The following ADARB2 variants were observed in gnomAD, a reference collection of about 807,000 sequenced individuals.
The protein encoded by ADARB2 is inactive double-stranded RNA-specific editase B2.
A neutral mutation model predicts 62.2 loss-of-function variants in ADARB2; 25 were observed. That is an observed-to-expected ratio of 0.40 (90% CI 0.29 to 0.56). The LOEUF is 0.56. ADARB2 is among the 20% of genes least tolerant of loss of function. ADARB2 has a pLI of 0.43. For missense variants in ADARB2, 1,071 were observed against 1,077.4 expected (o/e 0.99, Z 0.08); for synonymous variants, 572 against 500.8 (o/e 1.14, Z -1.90).
intron 1 of ADARB2, among the ~76,000 whole-genome samples, chr10:1,672,153 C>T (rs543458855): frequency 1.3e-5 from 2 of 151,866 alleles, no homozygotes; most frequent in African/African-American, 4.8e-5. Context: ...GTGTGGACAG[C>T]GGGTGTGGAC....
At chr10:1,725,973 C>T (rs1380745310) in intron 1 of ADARB2, among the ~76,000 whole-genome samples, 1 of 152,246 alleles carries the variant, frequency 6.6e-6, no homozygotes, top group African/African-American at 2.4e-5. Flanking sequence ...AGTGATTACG[C>T]ATAAATATGT....
chr10:1,480,657 CCCTGCA>C (rs972507836), intron 1 of ADARB2, among the ~76,000 whole-genome samples: 3 of 138,558 alleles, frequency 2.2e-5, no homozygotes, highest in African/African-American at 7.8e-5. Context: ...GAGATTGTGC[CCCTGCA>C]CTCCAACCTG....
Position 1,180,133 on chromosome 10 carries a change from G to C in ADARB2, c.*3060C>G, listed in dbSNP as rs7097304. ...GGGCGAAATCCTCAGGCTTCAACAC[G>C]AGCCCTTCCATCTCTGCAGAGGTGG... is the stretch of plus-strand genomic sequence containing the variant. On this transcript the variant is annotated 3_prime_UTR_variant, in exon 10 of 10. Transcript: ENST00000381312. The C allele has an allele frequency of 0.95, 145,476 of 152,338 alleles. 69,780 individuals carry two copies. Among genetic ancestry groups the C allele is most frequent in the Non-Finnish European group, 1 (68,049 of 68,108 alleles). The allele number at this position is 152,338 out of a possible 1,614,324, so 9.4% of individuals were successfully genotyped here. A position where few individuals can be genotyped will look rare whatever the true frequency, so the allele number is the denominator to read the frequency against.
chr10:1,424,393 C>T (rs1213696966), intron 1 of ADARB2, among the ~76,000 whole-genome samples: 1 of 152,140 alleles, frequency 6.6e-6, no homozygotes, highest in Non-Finnish European at 1.5e-5. Flanking sequence ...CATGTCAGAG[C>T]CGTGGCTCCA....
chr10:1,711,511 C>T (rs1383683595), intron 1 of ADARB2, among the ~76,000 whole-genome samples: 1 of 152,156 alleles, frequency 6.6e-6, no homozygotes, highest in African/African-American at 2.4e-5. Flanking sequence ...AGAACATAGT[C>T]TCATAGAGGA....
At chr10:1,576,147 TC>T (rs1208477082) in intron 1 of ADARB2, among the ~76,000 whole-genome samples, 12 of 41,200 alleles carry the variant, frequency 2.9e-4, no homozygotes, top group South Asian at 1.2e-3. Flanking sequence ...AAGAGGGGGG[TC>T]CACGGTCACA....
chr10:1,259,810 A>G (rs1831116583), intron 4 of ADARB2, among the ~76,000 whole-genome samples: 1 of 152,230 alleles, frequency 6.6e-6, no homozygotes, highest in African/African-American at 2.4e-5. Context: ...GGAGGCCAGC[A>G]TCATCCTGAT....
At position 1,615,955 on chromosome 10, in the gene ADARB2, G is replaced by A. The variant is rs372281442; in HGVS notation, c.100+121096C>T. Reference sequence around the variant, plus strand: ...ACCCCTAAATAAGGAGAAAGCCACTGAAAATTGGATTCTACTAGAAGGCAG... The same window carrying A: ...ACCCCTAAATAAGGAGAAAGCCACTAAAAATTGGATTCTACTAGAAGGCAG... On this transcript the variant is annotated intron_variant, in intron 1 of 9. Transcript: ENST00000381312. Among the ~76,000 whole-genome samples the A allele has an allele frequency of 2.0e-4, 31 of 152,354 alleles. No homozygotes were observed. The East Asian group carries it at 5.4e-3, about 27-fold the overall frequency.
chr10:1,233,966 C>CTTCT, intron 5 of ADARB2, 121 bp from the exon 6 acceptor site: 1 of 745,566 alleles, frequency 1.3e-6, no homozygotes, highest in East Asian at 4.1e-5. Context: ...TATATTTTTC[C>CTTCT]TTTTTTTTTT....
chr10:1,316,434 A>C (rs1831740475), intron 3 of ADARB2, among the ~76,000 whole-genome samples: 1 of 152,210 alleles, frequency 6.6e-6, no homozygotes, highest in Admixed American at 6.5e-5. Flanking sequence ...GGCAACGTGC[A>C]AGGTGCTGAT....
At chr10:1,300,342 G>A (rs1423578974) in intron 3 of ADARB2, among the ~76,000 whole-genome samples, 3 of 146,062 alleles carry the variant, frequency 2.1e-5, no homozygotes, top group Non-Finnish European at 4.5e-5. Flanking sequence ...TTCCTACAGT[G>A]ACGGCTGCTC....
At chr10:1,360,203 G>A (rs1387543401) in intron 3 of ADARB2, among the ~76,000 whole-genome samples, 1 of 152,236 alleles carries the variant, frequency 6.6e-6, no homozygotes, top group Non-Finnish European at 1.5e-5. Flanking sequence ...AGCAGGAGGC[G>A]CTGCTTCCAG....
chr10:1,218,110 G>A (rs774157584), intron 6 of ADARB2, among the ~76,000 whole-genome samples: 4 of 152,184 alleles, frequency 2.6e-5, no homozygotes, highest in Non-Finnish European at 5.9e-5. Context: ...GAGTGCAGTG[G>A]CGCAATCTCA....
At chr10:1,645,222 C>A (rs909708232) in intron 1 of ADARB2, among the ~76,000 whole-genome samples, 4 of 152,220 alleles carry the variant, frequency 2.6e-5, no homozygotes, top group African/African-American at 9.6e-5. Flanking sequence ...ACGATTCGCT[C>A]CATGCTCATT....
At chr10:1,457,892 G>A (rs113248503) in intron 1 of ADARB2, among the ~76,000 whole-genome samples, 251 of 60,052 alleles carry the variant, frequency 4.2e-3, no homozygotes, top group African/African-American at 0.012. Context: ...AACCCGAGGC[G>A]AATGCATCAT....
intron 1 of ADARB2, among the ~76,000 whole-genome samples, chr10:1,698,649 T>G (rs952800062): frequency 6.6e-6 from 1 of 152,118 alleles, no homozygotes; most frequent in Non-Finnish European, 1.5e-5. Flanking sequence ...CACATCTGTG[T>G]GTTGTGTAAA....
At chr10:1,356,234 G>A (rs1232027073) in intron 3 of ADARB2, among the ~76,000 whole-genome samples, 1 of 152,226 alleles carries the variant, frequency 6.6e-6, no homozygotes, top group East Asian at 1.9e-4. Context: ...ATGGACCACA[G>A]GATGGTGTGT....
chr10:1,377,226 G>A (rs1279592041), intron 2 of ADARB2, among the ~76,000 whole-genome samples: 1 of 134,414 alleles, frequency 7.4e-6, no homozygotes, highest in Non-Finnish European at 1.6e-5. Flanking sequence ...GCGCCCCTGG[G>A]GTGTGTTTGT....
chr10:1,464,679 G>A (rs1831227708), intron 1 of ADARB2, among the ~76,000 whole-genome samples: 1 of 72,190 alleles, frequency 1.4e-5, no homozygotes, highest in Non-Finnish European at 3.2e-5. Context: ...CCCCACACAC[G>A]CGCTGGGGGC....
Sources: gnomAD v4.1 joint callset for allele counts (sites outside exome capture counted in the v4.1 genomes callset) on GRCh38, gnomAD v4.1.1 for gene constraint, MANE v1.5 for transcripts, NCBI Gene and HGNC (gene_info 2026-07-23, HGNC 2026-07-21) for gene names.